The following COL24A1 variants were observed in gnomAD, a reference collection of about 807,000 sequenced individuals.
COL24A1 encodes collagen alpha-1(XXIV) chain.
A neutral mutation model predicts 253.9 loss-of-function variants in COL24A1; 224 were observed. That is an observed-to-expected ratio of 0.88 (90% CI 0.79 to 0.99). The LOEUF (loss-of-function observed/expected upper bound fraction) is 0.99, where lower values mean the gene tolerates loss of function less well. COL24A1 is among the 50% of genes least tolerant of loss of function. The pLI, the probability that COL24A1 is intolerant of heterozygous loss-of-function variation, is 0.00. For synonymous variants in COL24A1, 685 were observed against 673.7 expected (o/e 1.02, Z -0.26); for missense variants, 2,131 against 2,068.5 (o/e 1.03, Z -0.59).
At chr1:85,841,184 A>G in intron 42 of COL24A1, 38 bp downstream of exon 42, 2 of 1,459,516 alleles carry the variant, frequency 1.4e-6, no homozygotes, top group Non-Finnish European at 1.9e-6. Flanking sequence ...ATTGTGTTTT[A>G]TCTTGAATAA....
At chr1:85,926,781 C>A (rs558464694) in intron 24 of COL24A1, among the ~76,000 whole-genome samples, 1 of 151,724 alleles carries the variant, frequency 6.6e-6, no homozygotes. Flanking sequence ...CAAACCTGCA[C>A]GTTGTGCACA....
At chr1:85,803,727 C>G (rs913903730) in intron 47 of COL24A1, among the ~76,000 whole-genome samples, 2 of 152,004 alleles carry the variant, frequency 1.3e-5, no homozygotes. Context: ...AATCTTGCAA[C>G]TTTGCTAAAC....
chr1:86,087,298 A>G (rs977941680), intron 7 of COL24A1, among the ~76,000 whole-genome samples: 3 of 152,202 alleles, frequency 2.0e-5, no homozygotes, highest in Non-Finnish European at 2.9e-5. Flanking sequence ...TGTTACATAG[A>G]CCAAAAAGAA....
intron 48 of COL24A1, 28 bp downstream of exon 48, chr1:85,786,326 T>G (rs1030268366): frequency 6.3e-7 from 1 of 1,596,584 alleles, no homozygotes; most frequent in Non-Finnish European, 8.6e-7. Flanking sequence ...CAATACTGCT[T>G]ACCCATTGGA....
intron 7 of COL24A1, among the ~76,000 whole-genome samples, chr1:86,083,653 C>A (rs1338303263): frequency 6.6e-6 from 1 of 152,092 alleles, no homozygotes; most frequent in Non-Finnish European, 1.5e-5. Flanking sequence ...TTAACTAGTT[C>A]TACTTAGCTA....
chr1:85,908,258 A>G (rs1685030343), intron 27 of COL24A1, among the ~76,000 whole-genome samples: 1 of 151,798 alleles, frequency 6.6e-6, no homozygotes, highest in Non-Finnish European at 1.5e-5. Flanking sequence ...AATTTCTGAG[A>G]AAAATATGTT....
At chr1:85,813,451 A>G (rs1453403386) in intron 47 of COL24A1, among the ~76,000 whole-genome samples, 1 of 148,702 alleles carries the variant, frequency 6.7e-6, no homozygotes, top group Non-Finnish European at 1.5e-5. Flanking sequence ...CAAAGCTGAA[A>G]GACCTTTTTT....
In COL24A1 at chr1:86,102,832, G is replaced by A. The variant is rs139861296; in HGVS notation, c.1599+9735C>T. On this transcript the variant is annotated intron_variant, in intron 5 of 59. Coordinates refer to ENST00000370571, the MANE Select transcript of COL24A1 (RefSeq NM_152890.7). ...TCAATGTTAGAGTATGTGCCATGTG[G>A]TGATGAGAAGAATGTATATTCTGTT... Among the ~76,000 whole-genome samples, 1,211 of 152,254 alleles carry A rather than the reference G, an allele frequency of 8.0e-3. 17 individuals carry two copies. Among genetic ancestry groups the A allele is most frequent in the African/African-American group, 0.026 (1,079 of 41,536 alleles).
At chr1:85,855,949 A>C (rs1431188845) in intron 37 of COL24A1, among the ~76,000 whole-genome samples, 4 of 151,974 alleles carry the variant, frequency 2.6e-5, no homozygotes, top group African/African-American at 9.7e-5. Context: ...GGAATTTATG[A>C]ATTTCTTCTA....
intron 24 of COL24A1, among the ~76,000 whole-genome samples, chr1:85,950,877 C>G (rs1318107849): frequency 2.0e-5 from 3 of 152,194 alleles, no homozygotes; most frequent in Non-Finnish European, 4.4e-5. Context: ...TGGGACATTA[C>G]AGGCAACTAG....
At position 85,868,830 on chromosome 1, in the gene COL24A1, T is replaced by C. The variant is rs780643172; in HGVS notation, c.3144A>G (p.Glu1048=). 2 of 1,586,172 alleles carry C rather than the reference T, an allele frequency of 1.3e-6. No individual in the cohort carries two copies. Among genetic ancestry groups the C allele is most frequent in the Non-Finnish European group, 1.7e-6 (2 of 1,167,438 alleles). ...GGTGEPGLRG[E]PGAPGEEGLQ... is the part of the protein sequence containing the mutation. Reference sequence around the variant, plus strand: ...GACCTTCTTCTCCAGGAGCTCCTGGTTCACCCTATTTTGTAGCAGAAAGAG... The same window carrying C: ...GACCTTCTTCTCCAGGAGCTCCTGGCTCACCCTATTTTGTAGCAGAAAGAG... The change falls in exon 36 of 60, where the codon GAA becomes GAG. Residue 1048 remains glutamate (E), a synonymous_variant. Coordinates refer to ENST00000370571, the MANE Select transcript of COL24A1 (RefSeq NM_152890.7).
At position 85,762,717 on chromosome 1, in the gene COL24A1, T is replaced by C. The variant is rs1339069316; in HGVS notation, c.4375-1151A>G. On this transcript the variant is annotated intron_variant, in intron 53 of 59. Transcript: ENST00000370571. ...ATTGGTTATGTCCGCTTCTCCATTTTGGATCAACAATGTAAAAATAATAAA... is the reference window on the plus strand; with the variant it reads ...ATTGGTTATGTCCGCTTCTCCATTTCGGATCAACAATGTAAAAATAATAAA... Among the ~76,000 whole-genome samples, 3 of 152,202 alleles carry C rather than the reference T, an allele frequency of 2.0e-5. No homozygotes were observed. In the East Asian group the frequency reaches 5.8e-4, roughly 29 times the overall value.
chr1:86,044,735 T>C (rs186056128), intron 12 of COL24A1, among the ~76,000 whole-genome samples: 4 of 152,292 alleles, frequency 2.6e-5, no homozygotes, highest in Admixed American at 2.6e-4. Flanking sequence ...CCAGAAGTTG[T>C]CTATAAAGGT....
chr1:86,046,868 C>A lies in COL24A1; in HGVS notation c.1907G>T (p.Gly636Val). Residue 636 changes from glycine (G) to valine (V), a missense_variant and splice_region_variant, in exon 12 of 60, where the codon GGC becomes GTC. Physicochemically the swap from Gly to Val is moderately radical, Grantham distance 109. Transcript: ENST00000370571. ...CTTCTTTCCACGGATCCCAGGAATG[C>A]CCTAGAATATAGAAAAGAAAAAGGA... ...AGQLGPEGERGIPGIRGKKGF... is the reference protein window; with the variant it reads ...AGQLGPEGERVIPGIRGKKGF... 2.7e-6 allele frequency: 4 copies of A among 1,491,886 alleles called. No individual in the cohort carries two copies. Among genetic ancestry groups the A allele is most frequent in the South Asian group, 1.1e-5 (1 of 88,440 alleles). 92.4% of individuals were successfully genotyped at this position (1,491,886 alleles called of 1,614,324 possible).
intron 14 of COL24A1, among the ~76,000 whole-genome samples, chr1:86,031,361 G>T (rs1329652758): frequency 6.6e-6 from 1 of 151,924 alleles, no homozygotes; most frequent in Non-Finnish European, 1.5e-5. Flanking sequence ...AACAACAGTT[G>T]ATCACAGATT....
chr1:85,786,365 G>GA lies in COL24A1; in HGVS notation c.4047dup (p.Gln1350SerfsTer6). The GA allele has an allele frequency of 6.2e-7, 1 of 1,613,594 alleles. No homozygotes were observed. The highest frequency in any genetic ancestry group is 8.5e-7 in the Non-Finnish European group (1 of 1,179,660). On this transcript the variant is annotated frameshift_variant, in exon 48 of 60. Transcript: ENST00000370571. LOFTEE classifies it high-confidence loss of function. ...AAATATTAAAGTACCTTTGGGCCTT[G>GA]AATTCCTGGGCTTCCTGGCAAGCCT...
At chr1:85,757,224 T>C (rs1467881758) in intron 55 of COL24A1, among the ~76,000 whole-genome samples, 3 of 152,200 alleles carry the variant, frequency 2.0e-5, no homozygotes, top group African/African-American at 7.2e-5. Flanking sequence ...ATGTATATCT[T>C]GCCAACATTA....
chr1:85,743,500 T>C (rs2100917992), intron 57 of COL24A1, among the ~76,000 whole-genome samples: 1 of 152,302 alleles, frequency 6.6e-6, no homozygotes, highest in South Asian at 2.1e-4. Flanking sequence ...TACCCTGCTG[T>C]TTTGTTTTTC....
chr1:85,933,226 G>A (rs537963452), intron 24 of COL24A1, among the ~76,000 whole-genome samples: 1 of 152,138 alleles, frequency 6.6e-6, no homozygotes, highest in Non-Finnish European at 1.5e-5. Context: ...GCTAAAGGAT[G>A]TGGTTGCAAA....
Sources: gnomAD v4.1 joint callset for allele counts (sites outside exome capture counted in the v4.1 genomes callset) on GRCh38, gnomAD v4.1.1 for gene constraint, MANE v1.5 for transcripts, NCBI Gene and HGNC (gene_info 2026-07-23, HGNC 2026-07-21) for gene names.